Variants in PCDHA1 observed in about 807,000 individuals in gnomAD.
PCDHA1 encodes the protein protocadherin alpha-1.
A neutral mutation model predicts 61.3 loss-of-function variants in PCDHA1; 42 were observed. That is an observed-to-expected ratio of 0.69 (90% confidence interval 0.54 to 0.89). PCDHA1 has a LOEUF of 0.89. Among genes scored for constraint, PCDHA1 ranks in the 40% least tolerant of loss-of-function variants. PCDHA1 has a pLI of 0.00. For synonymous variants in PCDHA1, 610 were observed against 553.8 expected, an observed-to-expected ratio of 1.10 and a Z score of -1.43; for missense variants, 1,256 against 1,235.3, an observed-to-expected ratio of 1.02 and a Z score of -0.25.
chr5:140,842,979 T>C (rs2150349093), intron 1 of PCDHA1: 1 of 1,594,876 alleles, frequency 6.3e-7, no homozygotes, highest in Non-Finnish European at 8.6e-7. Context: ...ACGCTGCAGG[T>C]GTTCGTGCTG....
intron 1 of PCDHA1, among the ~76,000 whole-genome samples, chr5:140,791,293 T>C (rs1006491695): frequency 6.6e-6 from 1 of 152,242 alleles, no homozygotes; most frequent in Non-Finnish European, 1.5e-5. Context: ...AGCAGAATTA[T>C]GTAACTGCCA....
intron 1 of PCDHA1, chr5:140,968,151 T>C: frequency 6.2e-7 from 1 of 1,614,134 alleles, no homozygotes; most frequent in Non-Finnish European, 8.5e-7. Flanking sequence ...ATCTCTGACA[T>C]CAATGACAAT....
chr5:141,000,421 ATT>A (rs34755515), intron 3 of PCDHA1, among the ~76,000 whole-genome samples: 627 of 27,724 alleles, frequency 0.023, 1 homozygote, highest in Middle Eastern at 0.071. Context: ...ATATATATAT[ATT>A]TTTTTTTTTT....
At chr5:140,809,279 G>C in intron 1 of PCDHA1, 3 of 1,614,106 alleles carry the variant, frequency 1.9e-6, no homozygotes, top group Non-Finnish European at 2.5e-6. Flanking sequence ...GGATGTCAAC[G>C]TATACCTGAT....
At chr5:140,823,501 G>A (rs1554129384) in intron 1 of PCDHA1, 3 of 1,613,246 alleles carry the variant, frequency 1.9e-6, no homozygotes, top group African/African-American at 1.3e-5. Context: ...CGGCGGCGCA[G>A]TGAGCGAGCT....
intron 1 of PCDHA1, chr5:140,823,959 G>A (rs2150130810): frequency 1.1e-4 from 177 of 1,613,954 alleles, no homozygotes; most frequent in Non-Finnish European, 1.4e-4. Flanking sequence ...AGCCCACCGA[G>A]GCCGTGTGCA....
intron 1 of PCDHA1, chr5:140,795,447 T>C: frequency 6.2e-7 from 1 of 1,614,172 alleles, no homozygotes. Flanking sequence ...CTGATGCAGA[T>C]ATAGGAGTAA....
intron 1 of PCDHA1, among the ~76,000 whole-genome samples, chr5:140,888,380 A>G (rs1348796416): frequency 6.6e-6 from 1 of 152,192 alleles, no homozygotes; most frequent in East Asian, 1.9e-4. Context: ...GAGCTCTGAG[A>G]TGCTGCTAAA....
chr5:140,805,437 TTGTG>T, intron 1 of PCDHA1: 1 of 1,051,000 alleles, frequency 9.5e-7, no homozygotes, highest in Non-Finnish European at 1.1e-6. Context: ...GTTTTGGTTT[TTGTG>T]TGTGTGTGTT....
intron 1 of PCDHA1, chr5:140,854,061 C>T: frequency 3.6e-6 from 1 of 279,894 alleles, no homozygotes; most frequent in Non-Finnish European, 5.4e-6. Flanking sequence ...ACTCAGGAGG[C>T]TGAGGCGAGA....
At chr5:140,850,364 C>T in intron 1 of PCDHA1, 1 of 1,597,830 alleles carries the variant, frequency 6.3e-7, no homozygotes, top group Non-Finnish European at 8.6e-7. Flanking sequence ...TCCCGTTCCG[C>T]GTGGGGCTGT....
chr5:140,821,577 T>C (rs1280254003), intron 1 of PCDHA1: 14 of 602,200 alleles, frequency 2.3e-5, no homozygotes, highest in Non-Finnish European at 2.7e-5. Flanking sequence ...CCGGAAGGTT[T>C]TTCTCCCTTC....
At chr5:140,952,185 T>C (rs1354216964) in intron 1 of PCDHA1, among the ~76,000 whole-genome samples, 1 of 152,010 alleles carries the variant, frequency 6.6e-6, no homozygotes, top group Non-Finnish European at 1.5e-5. Context: ...GCTGCTCTCA[T>C]GGGTTGGTGT....
rs782025005 is a variant in PCDHA1 at position 140,982,513 on chromosome 5, G to C, written c.2492G>C (p.Gly831Ala). 83 of 1,614,076 alleles carry C rather than the reference G, an allele frequency of 5.1e-5. No homozygotes were observed. The highest frequency in any genetic ancestry group is 6.4e-5 in the Non-Finnish European group (75 of 1,180,040). ...GAGGAGGCTGGCATTCTACGGGCTG[G>C]TCCAGGAGGGCCTGATCAGCAGTGG... The part of the protein sequence containing the change: ...HLEEAGILRA[G>A]PGGPDQQWPT... The change falls in exon 3 of 4, where the codon GGT becomes GCT. Residue 831 changes from glycine (G) to alanine (A), a missense_variant. Transcript: ENST00000504120.
At chr5:140,870,423 A>G in intron 1 of PCDHA1, 2 of 1,614,178 alleles carry the variant, frequency 1.2e-6, no homozygotes, top group African/African-American at 1.3e-5. Flanking sequence ...CGGCCAGGGT[A>G]TCCGTGGAGG....
At chr5:140,802,944 C>T (rs375111738) in intron 1 of PCDHA1, 4 of 1,613,866 alleles carry the variant, frequency 2.5e-6, no homozygotes, top group Admixed American at 1.7e-5. Flanking sequence ...GCTGGTGCCG[C>T]GGTCAGTGGG....
chr5:140,967,927 C>T (rs782426020), intron 1 of PCDHA1: 3 of 1,614,228 alleles, frequency 1.9e-6, no homozygotes, highest in Non-Finnish European at 2.5e-6. Context: ...TGGCCGTTCT[C>T]AGTGTCAATG....
At chr5:140,858,580 A>C in intron 1 of PCDHA1, 1 of 1,352,736 alleles carries the variant, frequency 7.4e-7, no homozygotes, top group Non-Finnish European at 1.0e-6. Flanking sequence ...CCTTTGTAAT[A>C]TAATTTATTC....
intron 2 of PCDHA1, among the ~76,000 whole-genome samples, chr5:140,980,956 C>T (rs2096912703): frequency 6.6e-6 from 1 of 152,110 alleles, no homozygotes; most frequent in Non-Finnish European, 1.5e-5. Flanking sequence ...AGGATAGTTA[C>T]ACCTTCATGA....
Sources: gnomAD v4.1 joint callset for allele counts (sites outside exome capture counted in the v4.1 genomes callset) on GRCh38, gnomAD v4.1.1 for gene constraint, MANE v1.5 for transcripts, NCBI Gene and HGNC (gene_info 2026-07-23, HGNC 2026-07-21) for gene names.